The following RAB11FIP3 variants were observed in gnomAD, a reference collection of about 807,000 sequenced individuals.
RAB11FIP3 encodes the protein rab11 family-interacting protein 3.
In RAB11FIP3, 17 loss-of-function variants were observed where a neutral mutation model predicts 77.8. The observed-to-expected ratio is 0.22, with a 90% CI of 0.15 to 0.33. The LOEUF (loss-of-function observed/expected upper bound fraction) is 0.33. Among genes scored for constraint, RAB11FIP3 ranks in the 10% least tolerant of loss-of-function variants. The pLI is 1.00. For synonymous variants in RAB11FIP3, 437 were observed against 448.2 expected (o/e 0.98, Z 0.31); for missense variants, 1,005 against 1,011.2 (o/e 0.99, Z 0.08).
intron 7 of RAB11FIP3, among the ~76,000 whole-genome samples, chr16:504,668 C>CAT (rs2031760175): frequency 1.0e-4 from 1 of 9,736 alleles, no homozygotes. Context: ...CCTGCACCCC[C>CAT]CTTACCTCCT....
chr16:453,069 T>A (rs567371776), intron 1 of RAB11FIP3, among the ~76,000 whole-genome samples: 6 of 106,122 alleles, frequency 5.7e-5, no homozygotes, highest in African/African-American at 1.1e-4. Flanking sequence ...CTTTATTTTT[T>A]AATTTTTTTT....
chr16:433,890 T>C (rs1412869415), intron 1 of RAB11FIP3, among the ~76,000 whole-genome samples: 4 of 151,854 alleles, frequency 2.6e-5, no homozygotes. Flanking sequence ...ATTGTGTATC[T>C]ATATTACATT....
At chr16:519,385 A>T (rs1383280259) in intron 10 of RAB11FIP3, among the ~76,000 whole-genome samples, 1 of 152,184 alleles carries the variant, frequency 6.6e-6, no homozygotes, top group East Asian at 1.9e-4. Flanking sequence ...CCACCTCACC[A>T]GGTGTGCTCT....
chr16:510,553 C>T (rs1178019128), intron 8 of RAB11FIP3, 107 bp from the exon 9 acceptor site: 49 of 1,312,584 alleles, frequency 3.7e-5, no homozygotes, highest in Non-Finnish European at 4.5e-5. Context: ...GCCCTACTCC[C>T]GAGTGGAGGC....
chr16:461,492 A>G lies in RAB11FIP3; in HGVS notation c.803A>G (p.Asn268Ser). 1 of 1,612,966 alleles carries G rather than the reference A, an allele frequency of 6.2e-7. No individual in the cohort carries two copies. The highest frequency in any genetic ancestry group is 8.5e-7 in the Non-Finnish European group (1 of 1,179,636). The change falls in exon 2 of 14, where the codon AAC (asparagine) becomes AGC (serine). Residue 268 changes from asparagine to serine, a missense_variant. This residue lies in a region of RAB11FIP3 where 466 missense variants were observed against 408.3 expected (regional missense o/e 1.14). Coordinates refer to ENST00000262305, the MANE Select transcript of RAB11FIP3 (RefSeq NM_014700.4). The surrounding 1 kb of genome is among the most constrained non-coding windows in gnomAD (Gnocchi z 4.5). The stretch of plus-strand genomic sequence containing the variant: ...TACCAAGGGATCACAGCCATCAGAA[A>G]CGGAGGTCAGTCATCCCCGCCATGA... ...DFYQGITAIR[N>S]GDPDGQCYGG...
intron 3 of RAB11FIP3, among the ~76,000 whole-genome samples, chr16:477,081 G>C (rs1305151346): frequency 6.2e-5 from 3 of 48,022 alleles, no homozygotes; most frequent in Non-Finnish European, 8.0e-5. Flanking sequence ...GCAAGACTCC[G>C]TCTCAAAAAA....
At chr16:432,563 G>A (rs1464864123) in intron 1 of RAB11FIP3, among the ~76,000 whole-genome samples, 1 of 149,512 alleles carries the variant, frequency 6.7e-6, no homozygotes, top group African/African-American at 2.5e-5. Flanking sequence ...CATGCATGTT[G>A]CTTTGAATCT....
rs186119323 is a variant in RAB11FIP3, at chr16:435,199, C to T, written c.714+8479C>T. Among the ~76,000 whole-genome samples, 4 of 146,282 alleles carry T rather than the reference C, an allele frequency of 2.7e-5. No homozygotes were observed. In the South Asian group the frequency reaches 8.6e-4, roughly 31 times the overall value. On this transcript the variant is annotated intron_variant, in intron 1 of 13. Coordinates refer to ENST00000262305, the MANE Select transcript of RAB11FIP3 (RefSeq NM_014700.4). The stretch of plus-strand genomic sequence containing the variant: ...CAGCCTGGGCGACAGAGCGAGACTC[C>T]GTCTCAAAAAAAAAAAAAAAAAGTT...
At chr16:486,025 C>A (rs978818668) in intron 4 of RAB11FIP3, among the ~76,000 whole-genome samples, 3 of 152,200 alleles carry the variant, frequency 2.0e-5, no homozygotes, top group African/African-American at 7.2e-5. Context: ...CCTTAGCCTC[C>A]TGATTAGCTG....
chr16:482,851 G>A, intron 4 of RAB11FIP3, 115 bp downstream of exon 4: 5 of 1,143,048 alleles, frequency 4.4e-6, no homozygotes, highest in East Asian at 5.2e-5. Flanking sequence ...CATCCATTAT[G>A]TGGGGGTGGG....
In RAB11FIP3 at chr16:488,797, T is replaced by G. The variant is rs1450225019; in HGVS notation, c.1116-54T>G. On this transcript the variant is annotated intron_variant, in intron 4 of 13. Transcript: ENST00000262305. ...GGAAAGCACCTTCCACACCCTCAGCTCGGGGGTGCCCTGGCCTTCAGTCAG... is the reference window on the plus strand; with the variant it reads ...GGAAAGCACCTTCCACACCCTCAGCGCGGGGGTGCCCTGGCCTTCAGTCAG... 17 of 1,581,246 alleles carry G rather than the reference T, an allele frequency of 1.1e-5. No homozygotes were observed. The Middle Eastern group carries it at 1.4e-3, about 126-fold the overall frequency.
At chr16:430,485 C>G (rs965327338) in intron 1 of RAB11FIP3, among the ~76,000 whole-genome samples, 1 of 152,090 alleles carries the variant, frequency 6.6e-6, no homozygotes, top group Non-Finnish European at 1.5e-5. Flanking sequence ...GCTCAGATCT[C>G]CCTACGTTTT....
At chr16:482,388 A>G in intron 3 of RAB11FIP3, 137 bp from the exon 4 acceptor site, 2 of 812,296 alleles carry the variant, frequency 2.5e-6, no homozygotes, top group Non-Finnish European at 4.3e-6. Context: ...GTCTCTGCTT[A>G]GAGACAGTTG....
intron 2 of RAB11FIP3, among the ~76,000 whole-genome samples, chr16:466,395 T>C (rs531011975): frequency 6.6e-6 from 1 of 152,302 alleles, no homozygotes; most frequent in East Asian, 1.9e-4. Flanking sequence ...TAGGGGTTGG[T>C]TTGTTCCTGT....
At chr16:492,540 A>AGAGCCCTCCCGG (rs2030656999) in intron 5 of RAB11FIP3, among the ~76,000 whole-genome samples, 1 of 137,798 alleles carries the variant, frequency 7.3e-6, no homozygotes, top group Non-Finnish European at 1.5e-5. Context: ...GAGGCCGTCC[A>AGAGCCCTCCCGG]GAATCTTGGA....
chr16:494,823 AGCCTGG>A, intron 5 of RAB11FIP3, among the ~76,000 whole-genome samples: 1 of 151,042 alleles, frequency 6.6e-6, no homozygotes, highest in African/African-American at 2.5e-5. Flanking sequence ...GGATCACATG[AGCCTGG>A]GAGGTCGAGG....
In RAB11FIP3 at chr16:491,322, G is replaced by A. The variant is rs1448242344; in HGVS notation, c.1265+2322G>A. The stretch of plus-strand genomic sequence containing the variant: ...CTGTTCCCAGGGTGTGGGGGACTCC[G>A]GATACCCACAGCCCCCTTGAGGGCC... On this transcript the variant is annotated intron_variant, in intron 5 of 13. Coordinates refer to ENST00000262305, the MANE Select transcript of RAB11FIP3 (RefSeq NM_014700.4). 1.2e-5 allele frequency: 16 copies of A among 1,281,226 alleles called. No homozygotes were observed. The African/African-American group carries it at 1.4e-4, about 11-fold the overall frequency. The allele number at this position is 1,281,226 out of a possible 1,614,324, so 79.4% of individuals were successfully genotyped here. A position where few individuals can be genotyped will look rare whatever the true frequency, so the allele number is the denominator to read the frequency against.
At chr16:456,483 C>T (rs987181966) in intron 1 of RAB11FIP3, among the ~76,000 whole-genome samples, 3 of 148,606 alleles carry the variant, frequency 2.0e-5, no homozygotes, top group African/African-American at 2.5e-5. Flanking sequence ...AGGCTGGGCA[C>T]GGTGGCTCAT....
chr16:428,897 A>G (rs1266685639), intron 1 of RAB11FIP3, among the ~76,000 whole-genome samples: 2 of 152,138 alleles, frequency 1.3e-5, no homozygotes, highest in African/African-American at 4.8e-5. Context: ...CTGAATTCCA[A>G]GAGCTCTTGA....
Sources: gnomAD v4.1 joint callset for allele counts (sites outside exome capture counted in the v4.1 genomes callset) on GRCh38, gnomAD v4.1.1 for gene constraint, gnomAD v4.1.1 regional missense constraint, Gnocchi (gnomAD v3.1) non-coding constraint, MANE v1.5 for transcripts, NCBI Gene and HGNC (gene_info 2026-07-23, HGNC 2026-07-21) for gene names.